TECTA: variants seen among roughly 807,000 people sequenced by gnomAD.
The protein encoded by TECTA is alpha-tectorin.
Under a neutral mutation model 216.8 loss-of-function variants are expected in TECTA, and 128 were observed. The ratio of observed to expected loss-of-function variants is 0.59; its 90% confidence interval spans 0.51 to 0.68. The LOEUF (loss-of-function observed/expected upper bound fraction) is 0.68, where lower values mean the gene tolerates loss of function less well. Among genes scored for constraint, TECTA ranks in the 30% least tolerant of loss-of-function variants. The probability of loss-of-function intolerance (pLI) is 0.00; values close to 1 mark genes in which losing one functional copy is unlikely to be tolerated. For synonymous variants in TECTA, 1,089 were observed against 1,117.1 expected (o/e 0.97, Z 0.50); for missense variants, 2,551 against 2,786.2 (o/e 0.92, Z 1.90).
chr11:121,104,394 T>C (rs1471077145), intron 2 of TECTA, among the ~76,000 whole-genome samples: 1 of 152,150 alleles, frequency 6.6e-6, no homozygotes, highest in Non-Finnish European at 1.5e-5. Flanking sequence ...CAGCGCCTCC[T>C]ACAGCCTCAA....
intron 2 of TECTA, among the ~76,000 whole-genome samples, chr11:121,104,601 C>T (rs1447201625): frequency 6.6e-6 from 1 of 152,094 alleles, no homozygotes; most frequent in Non-Finnish European, 1.5e-5. Flanking sequence ...GCTTTCTGGC[C>T]GCTTTGCACT....
At chr11:121,164,874 T>C (rs1460879712) in intron 16 of TECTA, among the ~76,000 whole-genome samples, 1 of 152,216 alleles carries the variant, frequency 6.6e-6, no homozygotes, top group Non-Finnish European at 1.5e-5. Flanking sequence ...ATCTGGATGC[T>C]ACTCTTTATA....
rs771520556 is a variant in TECTA, at chr11:121,113,756, G to A, written c.790+38G>A. 2.5e-6 allele frequency: 4 copies of A among 1,611,024 alleles called. No homozygotes were observed. The African/African-American group carries it at 4.0e-5, about 16-fold the overall frequency. On this transcript the variant is annotated intron_variant, in intron 6 of 23. Transcript: ENST00000392793. This position sits in a 1 kb window ranked among gnomAD's most constrained non-coding sequence, Gnocchi z 4.2. ...CTCTGTCTGTGGCAAGGCAGGGTTTGTTTAGTGTAGATTGACAGGCAAGCT... is the reference window on the plus strand; with the variant it reads ...CTCTGTCTGTGGCAAGGCAGGGTTTATTTAGTGTAGATTGACAGGCAAGCT...
chr11:121,125,043 G>A (rs926527863), intron 7 of TECTA, among the ~76,000 whole-genome samples: 2 of 152,264 alleles, frequency 1.3e-5, no homozygotes, highest in Non-Finnish European at 2.9e-5. Flanking sequence ...ACAGTCCCCA[G>A]AGGAGTCCGT....
Position 121,190,662 on chromosome 11 carries a change from AT to A in TECTA, c.6368-39del, listed in dbSNP as rs111629744. 9,468 of 1,451,088 alleles carry A rather than the reference AT, an allele frequency of 6.5e-3. 532 individuals carry two copies. In the African/African-American group the frequency reaches 0.12, roughly 18 times the overall value. The allele number at this position is 1,451,088 out of a possible 1,614,324, so 89.9% of individuals were successfully genotyped here. A position where few individuals can be genotyped will look rare whatever the true frequency, so the allele number is the denominator to read the frequency against. On this transcript the variant is annotated intron_variant, in intron 23 of 23. Coordinates refer to ENST00000392793, the MANE Select transcript of TECTA (RefSeq NM_005422.4). ...GATGTCTGATCCCTATCAAACAGGT[AT>A]TTTTCCCCCCATAGGGCTTACTGTG...
intron 3 of TECTA, 32 bp from the exon 4 acceptor site, chr11:121,109,179 T>A (rs1052511309): frequency 6.2e-7 from 1 of 1,613,124 alleles, no homozygotes; most frequent in Admixed American, 1.7e-5. Context: ...TGGTTTCAGA[T>A]CCACTGTGCA....
chr11:121,140,712 C>G (rs1946776250), intron 11 of TECTA, among the ~76,000 whole-genome samples: 1 of 152,132 alleles, frequency 6.6e-6, no homozygotes, highest in Admixed American at 6.5e-5. Flanking sequence ...TGTTCGTCAC[C>G]TTGTGGCAGC....
chr11:121,130,287 C>T, intron 10 of TECTA, 76 bp downstream of exon 10: 2 of 1,526,790 alleles, frequency 1.3e-6, no homozygotes, highest in South Asian at 1.2e-5. Context: ...CTCAGGACTT[C>T]CCTTCCAGGT....
At chr11:121,182,317 T>G (rs1391636295) in intron 20 of TECTA, among the ~76,000 whole-genome samples, 1 of 152,012 alleles carries the variant, frequency 6.6e-6, no homozygotes, top group East Asian at 1.9e-4. Context: ...GAGCTTCACA[T>G]GGGAGTGCCA....
At chr11:121,188,307 C>T (rs1203334257) in intron 21 of TECTA, among the ~76,000 whole-genome samples, 1 of 152,202 alleles carries the variant, frequency 6.6e-6, no homozygotes, top group Non-Finnish European at 1.5e-5. Flanking sequence ...ATGTTAGCAA[C>T]ATCCCTCACC....
At chr11:121,133,702 C>T (rs755036015) in intron 10 of TECTA, among the ~76,000 whole-genome samples, 1 of 152,196 alleles carries the variant, frequency 6.6e-6, no homozygotes, top group Non-Finnish European at 1.5e-5. Flanking sequence ...CTCCACTCAG[C>T]CTCCCGGGCA....
At chr11:121,110,978 C>T (rs1946436763) in intron 4 of TECTA, among the ~76,000 whole-genome samples, 1 of 152,154 alleles carries the variant, frequency 6.6e-6, no homozygotes, top group African/African-American at 2.4e-5. Context: ...AAATTGGCCC[C>T]ACCTCTTTCA....
intron 7 of TECTA, among the ~76,000 whole-genome samples, chr11:121,123,814 C>G (rs1239551622): frequency 1.3e-5 from 2 of 152,208 alleles, no homozygotes; most frequent in Non-Finnish European, 2.9e-5. Context: ...CTGACGGGCC[C>G]TGCTTGTTCT....
chr11:121,128,946 C>T (rs1171093545), intron 9 of TECTA, among the ~76,000 whole-genome samples: 1 of 152,208 alleles, frequency 6.6e-6, no homozygotes, highest in Non-Finnish European at 1.5e-5. Flanking sequence ...AGTGCAACTC[C>T]TCATTTCACA....
Position 121,189,815 on chromosome 11 carries a change from G to A in TECTA, c.6302G>A (p.Arg2101Gln), listed in dbSNP as rs201454201. 25 of 1,613,844 alleles carry A rather than the reference G, an allele frequency of 1.5e-5. No homozygotes were observed. The highest frequency in any genetic ancestry group is 1.7e-4 in the Middle Eastern group (1 of 5,990). Residue 2101 changes from arginine (R) to glutamine (Q), a missense_variant, in exon 23 of 24, where the codon CGG becomes CAG. By Grantham distance (43) the Arg-to-Gln change is conservative. Transcript: ENST00000392793. The part of the protein sequence containing the change: ...NGGCEQICTS[R>Q]VDGPLCSCVT... ...GGGTGTGAGCAGATTTGCACGAGCC[G>A]GGTGGATGGGCCTCTCTGCAGCTGT...
chr11:121,154,505 G>A (rs1946922809), intron 13 of TECTA, among the ~76,000 whole-genome samples: 1 of 152,174 alleles, frequency 6.6e-6, no homozygotes. Context: ...GATATAACCA[G>A]GCTCAAAACT....
chr11:121,180,032 C>T (rs1188982957), intron 20 of TECTA, among the ~76,000 whole-genome samples: 3 of 144,376 alleles, frequency 2.1e-5, no homozygotes, highest in African/African-American at 5.1e-5. Context: ...GGAATTTAAT[C>T]TGCTTATATT....
At chr11:121,102,591 A>G in intron 1 of TECTA, 74 bp from the exon 2 acceptor site, 3 of 1,159,796 alleles carry the variant, frequency 2.6e-6, no homozygotes, top group Non-Finnish European at 3.9e-6. Context: ...GGGATTAGCC[A>G]CTAAACACAC....
rs931568162 is a variant in TECTA at position 121,191,037 on chromosome 11, T to C, written c.*231T>C. On this transcript the variant is annotated 3_prime_UTR_variant, in exon 24 of 24. Transcript: ENST00000392793. ...AGTTATGGAAAGTATCTCTCTTGTG[T>C]AAAATTCCCAAACAGTTGTCACTAG... 1.8e-5 allele frequency: 8 copies of C among 439,054 alleles called. No homozygotes were observed. The highest frequency in any genetic ancestry group is 1.6e-4 in the African/African-American group (8 of 49,706). The allele number at this position is 439,054 out of a possible 1,614,324, so 27.2% of individuals were successfully genotyped here.
Sources: allele counts gnomAD v4.1 joint callset (sites outside exome capture counted in the v4.1 genomes callset), GRCh38; gene constraint gnomAD v4.1.1; non-coding constraint Gnocchi (gnomAD v3.1); transcripts MANE v1.5; gene names NCBI Gene and HGNC (gene_info 2026-07-23, HGNC 2026-07-21).